The following FRYL variants were observed in gnomAD, a reference collection of about 807,000 sequenced individuals.
FRYL encodes FRY like transcription coactivator.
In FRYL, 150 loss-of-function variants were observed where a neutral mutation model predicts 351.2. The ratio of observed to expected loss-of-function variants is 0.43; its 90% CI spans 0.37 to 0.49. The LOEUF is 0.49. FRYL is among the 20% of genes least tolerant of loss of function. The probability of loss-of-function intolerance (pLI) is 0.00; values close to 1 mark genes in which losing one functional copy is unlikely to be tolerated. For synonymous variants in FRYL, 1,153 were observed against 1,257.1 expected (o/e 0.92, Z 1.75); for missense variants, 3,036 against 3,619.3 (o/e 0.84, Z 4.13).
chr4:48,557,152 A>G, intron 34 of FRYL, 34 bp from the exon 35 acceptor site: 5 of 1,551,962 alleles, frequency 3.2e-6, no homozygotes, highest in African/African-American at 1.4e-5. Flanking sequence ...TACTTCAGTC[A>G]TGACTGCCTA....
chr4:48,593,776 C>T (rs184730561), intron 16 of FRYL, among the ~76,000 whole-genome samples, 154 bp downstream of exon 16: 77 of 152,160 alleles, frequency 5.1e-4, no homozygotes, highest in South Asian at 1.7e-3. Flanking sequence ...TTAAACCATT[C>T]GGCCAGCTAT....
chr4:48,779,246 C>G (rs576353529), intron 1 of FRYL, among the ~76,000 whole-genome samples: 2 of 152,212 alleles, frequency 1.3e-5, no homozygotes, highest in South Asian at 4.1e-4. Flanking sequence ...ATAAAAGTTG[C>G]AAAGAAGAGC....
intron 4 of FRYL, among the ~76,000 whole-genome samples, chr4:48,624,132 C>T (rs1466889276): frequency 1.3e-5 from 2 of 152,106 alleles, no homozygotes; most frequent in Non-Finnish European, 2.9e-5. Context: ...GGTAACCTTC[C>T]AGTATGACTG....
intron 57 of FRYL, among the ~76,000 whole-genome samples, chr4:48,511,210 A>G (rs1233144382): frequency 6.6e-6 from 1 of 152,214 alleles, no homozygotes; most frequent in Non-Finnish European, 1.5e-5. Context: ...AAAATGATAT[A>G]TGCCATTCAT....
At chr4:48,618,060 G>C (rs1749896077) in intron 7 of FRYL, 1 of 152,150 alleles carries the variant, frequency 6.6e-6, no homozygotes, top group Non-Finnish European at 1.5e-5. Context: ...CCAGTCCTTA[G>C]CTCTTCCTAT....
intron 7 of FRYL, among the ~76,000 whole-genome samples, chr4:48,612,220 G>A (rs1436130482): frequency 6.6e-6 from 1 of 151,428 alleles, no homozygotes; most frequent in Non-Finnish European, 1.5e-5. Context: ...ATATATTCCA[G>A]TCTGTACCTG....
At chr4:48,532,580 C>A (rs990462705) in intron 49 of FRYL, among the ~76,000 whole-genome samples, 1 of 152,100 alleles carries the variant, frequency 6.6e-6, no homozygotes, top group Non-Finnish European at 1.5e-5. Context: ...ATCCTTGAAC[C>A]CAGGAGGCGG....
At chr4:48,597,048 T>C (rs1744733591) in intron 13 of FRYL, among the ~76,000 whole-genome samples, 2 of 152,308 alleles carry the variant, frequency 1.3e-5, no homozygotes, top group Admixed American at 6.5e-5. Flanking sequence ...GCCAGATCCA[T>C]AATGATCCCA....
At position 48,498,337 on chromosome 4, in the gene FRYL, A is replaced by G. The variant is rs1718837381; in HGVS notation, c.*1085T>C. 1 of 152,206 alleles carries G rather than the reference A, an allele frequency of 6.6e-6. No individual in the cohort carries two copies. The highest frequency in any genetic ancestry group is 1.5e-5 in the Non-Finnish European group (1 of 68,032). 9.4% of individuals were successfully genotyped at this position (152,206 alleles called of 1,614,324 possible). On this transcript the variant is annotated 3_prime_UTR_variant, in exon 64 of 64. Coordinates refer to ENST00000358350, the MANE Select transcript of FRYL (RefSeq NM_015030.2). ...AAGCCTGCAAGTCATATATTCCATCATCAATGACCACAATTTTTCTTTAGC... is the reference window on the plus strand; with the variant it reads ...AAGCCTGCAAGTCATATATTCCATCGTCAATGACCACAATTTTTCTTTAGC...
At chr4:48,683,925 T>C (rs1294097544) in intron 3 of FRYL, among the ~76,000 whole-genome samples, 2 of 152,202 alleles carry the variant, frequency 1.3e-5, no homozygotes, top group African/African-American at 4.8e-5. Flanking sequence ...GTCTGTGGTT[T>C]TCCCCAGGTC....
At chr4:48,653,764 A>C (rs1250373893) in intron 3 of FRYL, 1 of 1,290,420 alleles carries the variant, frequency 7.7e-7, no homozygotes, top group African/African-American at 1.5e-5. Context: ...TTCAAAAAAC[A>C]CAGAATCCTG....
intron 60 of FRYL, among the ~76,000 whole-genome samples, chr4:48,504,960 T>C (rs1036584384): frequency 6.6e-6 from 1 of 152,106 alleles, no homozygotes; most frequent in Non-Finnish European, 1.5e-5. Context: ...TAAATTTCAG[T>C]TGATGAATGT....
At chr4:48,634,239 T>A (rs1753806019) in intron 4 of FRYL, 52 bp downstream of exon 4, 1 of 1,300,958 alleles carries the variant, frequency 7.7e-7, no homozygotes, top group African/African-American at 1.5e-5. Flanking sequence ...ATTATAGTGG[T>A]TAATACAAAA....
intron 42 of FRYL, 24 bp from the exon 43 acceptor site, chr4:48,544,928 T>C (rs1283521287): frequency 1.3e-6 from 2 of 1,576,868 alleles, no homozygotes; most frequent in African/African-American, 2.8e-5. Flanking sequence ...ACAGATGTAA[T>C]TTCCTTGGAT....
At chr4:48,724,128 A>G (rs1467828685) in intron 1 of FRYL, among the ~76,000 whole-genome samples, 1 of 151,898 alleles carries the variant, frequency 6.6e-6, no homozygotes, top group Non-Finnish European at 1.5e-5. Context: ...ACCCCATCTC[A>G]AAAAATAAAT....
intron 3 of FRYL, among the ~76,000 whole-genome samples, chr4:48,672,686 T>G (rs1049202567): frequency 2.3e-4 from 35 of 152,224 alleles, no homozygotes; most frequent in Admixed American, 2.3e-3. Context: ...TTATCACTTC[T>G]GAATTCCAAA....
chr4:48,520,519 C>T (rs1235561406), intron 55 of FRYL: 2 of 152,126 alleles, frequency 1.3e-5, no homozygotes, highest in African/African-American at 4.8e-5. Context: ...AACACTAATA[C>T]TTACTTATTT....
At chr4:48,766,732 G>A (rs60938260) in intron 1 of FRYL, among the ~76,000 whole-genome samples, 1 of 152,116 alleles carries the variant, frequency 6.6e-6, no homozygotes, top group Non-Finnish European at 1.5e-5. Flanking sequence ...TAGGAAGTCA[G>A]AACAAAGGCT....
chr4:48,603,325 T>C lies in FRYL; in HGVS notation c.898A>G (p.Thr300Ala), dbSNP rs753340079. The change falls in exon 12 of 64, where the codon ACT becomes GCT. Residue 300 changes from threonine to alanine, a missense_variant. Physicochemically the swap from Thr to Ala is moderately conservative, Grantham distance 58. Coordinates refer to ENST00000358350, the MANE Select transcript of FRYL (RefSeq NM_015030.2). Reference protein sequence around the residue: ...KNFVEMLYQTTFELSSRKKHS... With the variant: ...KNFVEMLYQTAFELSSRKKHS... ...TTCTTTCTCGAGCTCAGTTCAAAAG[T>C]AGTCTGATAAAGCATCTCCACAAAA... The C allele has an allele frequency of 1.5e-5, 24 of 1,612,282 alleles. No individual in the cohort carries two copies. The East Asian group carries it at 4.7e-4, about 31-fold the overall frequency.
Sources: gnomAD v4.1 joint callset for allele counts (sites outside exome capture counted in the v4.1 genomes callset) on GRCh38, gnomAD v4.1.1 for gene constraint, MANE v1.5 for transcripts, NCBI Gene and HGNC (gene_info 2026-07-23, HGNC 2026-07-21) for gene names.